Variants in ERP27 observed in about 807,000 individuals in gnomAD.
ERP27 encodes the protein endoplasmic reticulum protein 27.
A neutral mutation model predicts 27.7 loss-of-function variants in ERP27; 23 were observed. The observed-to-expected ratio is 0.83, with a 90% CI of 0.60 to 1.18. The LOEUF (loss-of-function observed/expected upper bound fraction) is 1.18. Ranked by LOEUF, ERP27 falls within the 50% of genes most tolerant of loss-of-function variation. The probability of loss-of-function intolerance (pLI) is 0.00; values close to 1 mark genes in which losing one functional copy is unlikely to be tolerated. For missense variants in ERP27, 363 were observed against 327.9 expected, an observed-to-expected ratio of 1.11 and a Z score of -0.83; for synonymous variants, 159 against 118.3, an observed-to-expected ratio of 1.34 and a Z score of -2.23.
intron 3 of ERP27, among the ~76,000 whole-genome samples, chr12:14,933,214 A>T (rs1863722643): frequency 6.6e-6 from 1 of 152,162 alleles, no homozygotes; most frequent in African/African-American, 2.4e-5. Flanking sequence ...TTCACATAGC[A>T]TGGGTTCCAT....
chr12:14,915,579 T>C lies in ERP27; in HGVS notation c.684A>G (p.Leu228=), dbSNP rs1455367616. The change falls in exon 6 of 7, where the codon CTA becomes CTG. Residue 228 remains leucine (L), a synonymous_variant. Coordinates refer to ENST00000266397, the MANE Select transcript of ERP27 (RefSeq NM_152321.4). ...QLPALAIYQT[L]DDEWDTLPTA... is the part of the protein sequence containing the mutation. The stretch of plus-strand genomic sequence containing the variant: ...TGGGCAGTGTATCCCACTCGTCATC[T>C]AGAGTCTGGTAAATTGCCAAAGCTG... The C allele has an allele frequency of 7.4e-6, 12 of 1,614,106 alleles. No individual in the cohort carries two copies. Among genetic ancestry groups the C allele is most frequent in the Non-Finnish European group, 1.0e-5 (12 of 1,180,028 alleles).
rs1863375941 is a variant in ERP27 at position 14,914,575 on chromosome 12, T to TGTGTGTGTGCGC, written c.*159_*160insGCGCACACACAC. 3 of 573,582 alleles carry TGTGTGTGTGCGC rather than the reference T, an allele frequency of 5.2e-6. No homozygotes were observed. In the African/African-American group the frequency reaches 6.6e-5, roughly 13 times the overall value. 35.5% of individuals were successfully genotyped at this position (573,582 alleles called of 1,614,324 possible). On this transcript the variant is annotated 3_prime_UTR_variant, in exon 7 of 7. Transcript: ENST00000266397. ...ATGAAGCTCTGTGTGTGTGTGTGTG[T>TGTGTGTGTGCGC]GTGCGTGTGTGTGTGCACGCGTGCG...
chr12:14,928,893 C>CA (rs1447626032), intron 3 of ERP27: 1 of 1,512,818 alleles, frequency 6.6e-7, no homozygotes, highest in Non-Finnish European at 8.9e-7. Flanking sequence ...AAAATGAGCA[C>CA]ACAAAAAAAT....
rs548773911 is a variant in ERP27, at chr12:14,924,526, A to ACACCAG, written c.334-3484_334-3479dup. 3.0e-4 allele frequency among the ~76,000 whole-genome samples: 46 copies of ACACCAG among 152,262 alleles called. 1 individual carries two copies. The East Asian group carries it at 8.5e-3, about 28-fold the overall frequency. The stretch of plus-strand genomic sequence containing the variant: ...GTATAAAAATACTTTCTCCACATCC[A>ACACCAG]CACCAGCGTTTGTTATTTTTTGTCT... On this transcript the variant is annotated intron_variant, in intron 3 of 6. Coordinates refer to ENST00000266397, the MANE Select transcript of ERP27 (RefSeq NM_152321.4).
chr12:14,923,413 A>G (rs1863540148), intron 3 of ERP27, among the ~76,000 whole-genome samples: 1 of 151,238 alleles, frequency 6.6e-6, no homozygotes, highest in Non-Finnish European at 1.5e-5. Flanking sequence ...ATTTACCACT[A>G]TATATATAAT....
At chr12:14,928,130 A>G (rs1045159521) in intron 3 of ERP27, among the ~76,000 whole-genome samples, 2 of 152,170 alleles carry the variant, frequency 1.3e-5, no homozygotes, top group East Asian at 1.9e-4. Flanking sequence ...GCTCTTGGAC[A>G]TCTCCTTAAC....
chr12:14,916,824 A>G (rs1863417520), intron 5 of ERP27, among the ~76,000 whole-genome samples: 1 of 152,096 alleles, frequency 6.6e-6, no homozygotes, highest in South Asian at 2.1e-4. Context: ...TTTATATGAG[A>G]AATGAGCCCT....
intron 3 of ERP27, among the ~76,000 whole-genome samples, chr12:14,929,764 G>C (rs1863670437): frequency 6.6e-6 from 1 of 151,918 alleles, no homozygotes; most frequent in African/African-American, 2.4e-5. Context: ...ATATTCATTT[G>C]AATTCCCATG....
intron 3 of ERP27, chr12:14,929,071 A>G (rs908595877): frequency 9.8e-6 from 15 of 1,526,926 alleles, no homozygotes; most frequent in African/African-American, 1.4e-5. Flanking sequence ...CTTCCTGACT[A>G]TTTTTCTAGG....
At chr12:14,915,447 T>C in intron 6 of ERP27, 42 bp downstream of exon 6, 1 of 1,592,330 alleles carries the variant, frequency 6.3e-7, no homozygotes, top group Non-Finnish European at 8.6e-7. Context: ...AAAAGGGACA[T>C]AGAAAGAAAA....
intron 3 of ERP27, among the ~76,000 whole-genome samples, chr12:14,929,725 C>T (rs1863669952): frequency 6.6e-6 from 1 of 152,064 alleles, no homozygotes; most frequent in Non-Finnish European, 1.5e-5. Context: ...ATACCAATCA[C>T]TCATTTTCTG....
chr12:14,931,334 T>C (rs1008650610), intron 3 of ERP27, among the ~76,000 whole-genome samples: 5 of 124,322 alleles, frequency 4.0e-5, no homozygotes, highest in Middle Eastern at 0.01. Flanking sequence ...CAGTGTAAAA[T>C]AGGATAGTCT....
At chr12:14,923,496 T>TATCTATCTATC (rs1565450687) in intron 3 of ERP27, among the ~76,000 whole-genome samples, 1 of 135,536 alleles carries the variant, frequency 7.4e-6, no homozygotes, top group African/African-American at 2.9e-5. Flanking sequence ...ATAATCAATC[T>TATCTATCTATC]ATCTATCTAT....
At chr12:14,935,073 T>G in intron 2 of ERP27, 80 bp from the exon 3 acceptor site, 1 of 1,535,826 alleles carries the variant, frequency 6.5e-7, no homozygotes, top group Non-Finnish European at 8.8e-7. Context: ...AAATATGATA[T>G]GATGTTTACC....
At chr12:14,922,944 C>T (rs1863529150) in intron 3 of ERP27, among the ~76,000 whole-genome samples, 1 of 152,018 alleles carries the variant, frequency 6.6e-6, no homozygotes, top group African/African-American at 2.4e-5. Flanking sequence ...TGGTGCACGC[C>T]TGTAATGCCA....
At chr12:14,916,174 TA>T (rs918665781) in intron 5 of ERP27, among the ~76,000 whole-genome samples, 3 of 152,098 alleles carry the variant, frequency 2.0e-5, no homozygotes, top group African/African-American at 7.2e-5. Flanking sequence ...ACTTAAAAGT[TA>T]AAAAAAATGA....
Position 14,914,493 on chromosome 12 carries a change from G to C in ERP27, c.*242C>G, listed in dbSNP as rs1014440856. 5.9e-6 allele frequency: 3 copies of C among 510,644 alleles called. No individual in the cohort carries two copies. The highest frequency in any genetic ancestry group is 1.0e-5 in the Non-Finnish European group (3 of 289,930). 31.6% of individuals were successfully genotyped at this position (510,644 alleles called of 1,614,324 possible). ...CGATAAGAAGGAAATTGGATAGGGAGTGAGGATATGAAATTTAAAAGAAGG... is the reference window on the plus strand; with the variant it reads ...CGATAAGAAGGAAATTGGATAGGGACTGAGGATATGAAATTTAAAAGAAGG... On this transcript the variant is annotated 3_prime_UTR_variant, in exon 7 of 7. Coordinates refer to ENST00000266397, the MANE Select transcript of ERP27 (RefSeq NM_152321.4).
At chr12:14,928,075 T>C (rs1484648714) in intron 3 of ERP27, among the ~76,000 whole-genome samples, 1 of 152,212 alleles carries the variant, frequency 6.6e-6, no homozygotes, top group Non-Finnish European at 1.5e-5. Context: ...ATTTTGTCCA[T>C]TTCCTACAAT....
intron 3 of ERP27, among the ~76,000 whole-genome samples, chr12:14,933,281 G>A (rs559645490): frequency 6.6e-6 from 1 of 152,132 alleles, no homozygotes; most frequent in Non-Finnish European, 1.5e-5. Context: ...GGAAGAGAAG[G>A]TCTCAAAGAG....
Sources: allele counts gnomAD v4.1 joint callset (sites outside exome capture counted in the v4.1 genomes callset), GRCh38; gene constraint gnomAD v4.1.1; transcripts MANE v1.5; gene names NCBI Gene and HGNC (gene_info 2026-07-23, HGNC 2026-07-21).